ROBO2: variants seen among roughly 807,000 people sequenced by gnomAD.
ROBO2 encodes roundabout homolog 2.
ROBO2 carries 53 observed loss-of-function variants against 160.8 expected under a neutral mutation model. That is an observed-to-expected ratio of 0.33 (90% confidence interval 0.26 to 0.41). The LOEUF is 0.41. Among genes scored for constraint, ROBO2 ranks in the 10% least tolerant of loss-of-function variants. ROBO2 has a pLI of 1.00. For missense variants in ROBO2, 1,577 were observed against 1,722.4 expected (o/e 0.92, Z 1.49); for synonymous variants, 664 against 611.7 (o/e 1.09, Z -1.26).
chr3:77,529,940 T>A (rs1057146530), intron 6 of ROBO2, among the ~76,000 whole-genome samples: 1 of 151,970 alleles, frequency 6.6e-6, no homozygotes. Flanking sequence ...TTTTTTTGTA[T>A]CTACTTCTTA....
intron 2 of ROBO2, among the ~76,000 whole-genome samples, chr3:77,123,917 AGATT>A (rs1019712598): frequency 7.7e-5 from 11 of 143,660 alleles, no homozygotes; most frequent in Non-Finnish European, 1.5e-4. Context: ...ATAGATATAT[AGATT>A]ATCTATATAG....
intron 2 of ROBO2, among the ~76,000 whole-genome samples, chr3:76,194,350 G>A (rs920559485): frequency 0.13 from 5,301 of 41,554 alleles, 412 homozygotes; most frequent in African/African-American, 0.27. Flanking sequence ...TGTATGGTGT[G>A]TAAATATATA....
At chr3:76,751,125 C>A (rs1403465039) in intron 2 of ROBO2, among the ~76,000 whole-genome samples, 3 of 151,882 alleles carry the variant, frequency 2.0e-5, no homozygotes, top group African/African-American at 7.3e-5. Flanking sequence ...AGAACAGAGC[C>A]CTCAGAAATA....
At chr3:76,059,137 T>C (rs1175261428) in intron 2 of ROBO2, among the ~76,000 whole-genome samples, 24 of 152,112 alleles carry the variant, frequency 1.6e-4, no homozygotes, top group African/African-American at 4.8e-4. Flanking sequence ...TATGGCAGCA[T>C]GATTTATAAT....
chr3:76,303,891 G>C (rs184115244), intron 2 of ROBO2, among the ~76,000 whole-genome samples: 1 of 152,290 alleles, frequency 6.6e-6, no homozygotes, highest in East Asian at 1.9e-4. Flanking sequence ...GTGCAACCCG[G>C]TGATACTCAG....
At chr3:76,634,291 G>A (rs574896931) in intron 2 of ROBO2, among the ~76,000 whole-genome samples, 1 of 152,164 alleles carries the variant, frequency 6.6e-6, no homozygotes, top group African/African-American at 2.4e-5. Context: ...ACATCAGGCT[G>A]GCACAGTGGC....
At chr3:75,990,449 C>T (rs1486889401) in intron 2 of ROBO2, among the ~76,000 whole-genome samples, 1 of 152,070 alleles carries the variant, frequency 6.6e-6, no homozygotes. Context: ...ATAGAGTTGG[C>T]CTCTAAAAGT....
intron 2 of ROBO2, among the ~76,000 whole-genome samples, chr3:76,179,938 A>G (rs527311355): frequency 4.1e-4 from 62 of 152,238 alleles, no homozygotes; most frequent in Non-Finnish European, 7.1e-4. Context: ...TTTGTTTACA[A>G]CTATAGAACC....
intron 2 of ROBO2, among the ~76,000 whole-genome samples, chr3:76,955,021 C>T (rs951963211): frequency 1.3e-5 from 2 of 152,144 alleles, no homozygotes; most frequent in Non-Finnish European, 2.9e-5. Flanking sequence ...GGTAGTAACT[C>T]CCTATCCTCC....
chr3:76,673,551 A>G (rs929769642), intron 2 of ROBO2, among the ~76,000 whole-genome samples: 2 of 152,174 alleles, frequency 1.3e-5, no homozygotes, highest in African/African-American at 4.8e-5. Flanking sequence ...GTTGAAAACA[A>G]TGTCATTCAT....
chr3:76,679,860 A>T (rs1247625834), intron 2 of ROBO2, among the ~76,000 whole-genome samples: 1 of 152,036 alleles, frequency 6.6e-6, no homozygotes, highest in East Asian at 1.9e-4. Context: ...TAATCTGGGG[A>T]TAGTTATCTT....
chr3:77,403,649 T>C lies in ROBO2; in HGVS notation c.389-73765T>C, dbSNP rs1371995848. On this transcript the variant is annotated intron_variant, in intron 2 of 25. Coordinates refer to ENST00000461745, the Ensembl canonical transcript of ROBO2. ...TTTTTTATCCATTCATTTATTAACA[T>C]TTAGGTTGATTCTTTATCTTGGTTA... 5.3e-5 allele frequency among the ~76,000 whole-genome samples: 8 copies of C among 151,560 alleles called. No homozygotes were observed. In the East Asian group the frequency reaches 1.2e-3, roughly 22 times the overall value.
At chr3:77,305,914 T>C (rs2063059183) in intron 2 of ROBO2, among the ~76,000 whole-genome samples, 1 of 152,198 alleles carries the variant, frequency 6.6e-6, no homozygotes, top group African/African-American at 2.4e-5. Context: ...CTGTGCCCTT[T>C]TATTCTTTTG....
intron 15 of ROBO2, 113 bp downstream of exon 16, chr3:77,577,727 GT>G: frequency 7.8e-7 from 1 of 1,287,312 alleles, no homozygotes; most frequent in Non-Finnish European, 1.1e-6. Flanking sequence ...TAAGTGTAAA[GT>G]TTTTATTTAT....
At chr3:77,044,524 T>C (rs894628733) in intron 1 of ROBO2, among the ~76,000 whole-genome samples, 5 of 152,324 alleles carry the variant, frequency 3.3e-5, no homozygotes, top group African/African-American at 1.2e-4. Flanking sequence ...ATCGTCTCTT[T>C]CCTTTTCTTA....
At chr3:76,954,165 T>G (rs1268942798) in intron 2 of ROBO2, among the ~76,000 whole-genome samples, 1 of 152,190 alleles carries the variant, frequency 6.6e-6, no homozygotes, top group Admixed American at 6.5e-5. Context: ...CACCTTTCTT[T>G]CAATATATAA....
At chr3:76,911,277 CTTTTT>C (rs1223166036) in intron 2 of ROBO2, among the ~76,000 whole-genome samples, 3 of 152,096 alleles carry the variant, frequency 2.0e-5, no homozygotes, top group African/African-American at 7.2e-5. Flanking sequence ...ATAACCTTTC[CTTTTT>C]ACCTCTTAAT....
intron 2 of ROBO2, among the ~76,000 whole-genome samples, chr3:76,830,658 C>G (rs1146017): frequency 2.6e-5 from 4 of 151,540 alleles, no homozygotes; most frequent in Non-Finnish European, 5.9e-5. Context: ...ATGTATTCTA[C>G]GTATATTTCA....
intron 6 of ROBO2, among the ~76,000 whole-genome samples, chr3:77,545,210 A>T (rs757063665): frequency 3.3e-5 from 5 of 152,042 alleles, no homozygotes; most frequent in Non-Finnish European, 7.4e-5. Context: ...AATCAGAATA[A>T]AATCCTCAGT....
Sources: gnomAD v4.1 joint callset for allele counts (sites outside exome capture counted in the v4.1 genomes callset) on GRCh38, gnomAD v4.1.1 for gene constraint, MANE v1.5 for transcripts, NCBI Gene and HGNC (gene_info 2026-07-23, HGNC 2026-07-21) for gene names.